SLC22A14: variants seen among roughly 807,000 people sequenced by gnomAD.
The protein encoded by SLC22A14 is solute carrier family 22 member 14.
A neutral mutation model predicts 53.9 loss-of-function variants in SLC22A14; 50 were observed. That is an observed-to-expected ratio of 0.93 (90% CI 0.74 to 1.17). The LOEUF (loss-of-function observed/expected upper bound fraction) is 1.17. Among genes scored for constraint, SLC22A14 ranks in the 50% most tolerant of loss-of-function variants. The pLI, the probability that SLC22A14 is intolerant of heterozygous loss-of-function variation, is 0.00. For missense variants in SLC22A14, 671 were observed against 734.7 expected, an observed-to-expected ratio of 0.91 and a Z score of 1.00; for synonymous variants, 312 against 303.0, an observed-to-expected ratio of 1.03 and a Z score of -0.31.
upstream of SLC22A14, among the ~76,000 whole-genome samples, chr3:38,279,695 A>G (rs1703625303): frequency 6.6e-6 from 1 of 151,498 alleles, no homozygotes; most frequent in Non-Finnish European, 1.5e-5. Flanking sequence ...ATGAATGGGT[A>G]AGTGTCCTTT....
In SLC22A14 at chr3:38,316,468, G is replaced by T; in HGVS notation, c.1677G>T (p.Leu559=). The T allele has an allele frequency of 6.2e-7, 1 of 1,613,994 alleles. No individual in the cohort carries two copies. The highest frequency in any genetic ancestry group is 8.5e-7 in the Non-Finnish European group (1 of 1,179,958). The change falls in exon 10 of 11, where the codon CTG becomes CTT. Residue 559 remains leucine (L), a synonymous_variant. Coordinates refer to ENST00000448498, the MANE Select transcript of SLC22A14 (RefSeq NM_001320033.2). ...AIVAFSLSSL[L]PETRDQPLSE... is the part of the protein sequence containing the mutation. ...TGGCCTTTTCCCTCTCCTCCCTGCT[G>T]CCGGAAACGCGAGATCAGCCCCTCT...
intron 1 of SLC22A14, among the ~76,000 whole-genome samples, chr3:38,288,998 A>G (rs1703849845): frequency 6.6e-6 from 1 of 151,950 alleles, no homozygotes. Context: ...TGGGCAACAA[A>G]GTGAGACCTG....
intron 6 of SLC22A14, 111 bp from the exon 7 acceptor site, chr3:38,313,277 C>A: frequency 7.1e-7 from 1 of 1,398,804 alleles, no homozygotes; most frequent in Non-Finnish European, 1.0e-6. Context: ...CCAGGGAAGG[C>A]CAGAAGCCAG....
chr3:38,318,300 C>G lies in SLC22A14; in HGVS notation c.*51C>G. The G allele has an allele frequency of 6.6e-7, 1 of 1,505,958 alleles. No individual in the cohort carries two copies. The allele number at this position is 1,505,958 out of a possible 1,614,324, so 93.3% of individuals were successfully genotyped here. A position where few individuals can be genotyped will look rare whatever the true frequency, so the allele number is the denominator to read the frequency against. ...AATGCCCAGATCCTGAGATTGGACCCATACCCTGTCTCCAACCCTGCCTTG... is the reference window on the plus strand; with the variant it reads ...AATGCCCAGATCCTGAGATTGGACCGATACCCTGTCTCCAACCCTGCCTTG... On this transcript the variant is annotated 3_prime_UTR_variant, in exon 11 of 11. Coordinates refer to ENST00000448498, the MANE Select transcript of SLC22A14 (RefSeq NM_001320033.2).
chr3:38,313,953 C>A lies in SLC22A14; in HGVS notation c.1378+12C>A. ...TTTCCTCCCTGAAGGTACAGCTCAT[C>A]CTTCCCCTGTGGCCTGCCCACAGCC... On this transcript the variant is annotated intron_variant, in intron 8 of 10. Transcript: ENST00000448498. 1 of 1,609,798 alleles carries A rather than the reference C, an allele frequency of 6.2e-7. No individual in the cohort carries two copies. The highest frequency in any genetic ancestry group is 8.5e-7 in the Non-Finnish European group (1 of 1,176,910).
In SLC22A14 at chr3:38,306,245, C is replaced by T. The variant is rs1704298471; in HGVS notation, c.219C>T (p.Thr73=). 6.2e-7 allele frequency: 1 copy of T among 1,614,174 alleles called. No individual in the cohort carries two copies. Among genetic ancestry groups the T allele is most frequent in the African/African-American group, 1.3e-5 (1 of 75,032 alleles). Residue 73 remains threonine, a synonymous_variant, in exon 2 of 11, where the codon ACC becomes ACT. Coordinates refer to ENST00000448498, the MANE Select transcript of SLC22A14 (RefSeq NM_001320033.2). ...GTFQQRLVAL[T]FIPSIMSAFF... is the part of the protein sequence containing the mutation. ...TCCAGCAGAGGCTAGTAGCCCTCAC[C>T]TTTATCCCCAGCATCATGTCGGCCT...
intron 1 of SLC22A14, among the ~76,000 whole-genome samples, chr3:38,288,868 A>G (rs1346679726): frequency 6.6e-6 from 1 of 152,126 alleles, no homozygotes; most frequent in East Asian, 1.9e-4. Flanking sequence ...TTAGTTTGAA[A>G]TGATTTTAGG....
intron 1 of SLC22A14, among the ~76,000 whole-genome samples, chr3:38,283,390 G>C (rs28526771): frequency 1.4e-4 from 22 of 152,230 alleles, no homozygotes; most frequent in African/African-American, 5.3e-4. Context: ...ATCTAAGCAT[G>C]CTCTCCCTCT....
Position 38,316,305 on chromosome 3 carries a change from C to T in SLC22A14, c.1533-19C>T, listed in dbSNP as rs1441211312. ...GAACCCGGCAGACCCCTCACAGGAG[C>T]TCTCACCTCCACTTTCAGGGCGACA... On this transcript the variant is annotated intron_variant, in intron 9 of 10. Transcript: ENST00000448498. 6.2e-7 allele frequency: 1 copy of T among 1,612,738 alleles called. No homozygotes were observed. Among genetic ancestry groups the T allele is most frequent in the Admixed American group, 1.7e-5 (1 of 60,006 alleles).
rs752765312 is a variant in SLC22A14, at chr3:38,313,726, G to C, written c.1164-1G>C. ...CGCACTTGCCTCCTGGCTTCATCCAGGTTTACCGTCAGTTACACCTATTTT... is the reference window on the plus strand; with the variant it reads ...CGCACTTGCCTCCTGGCTTCATCCACGTTTACCGTCAGTTACACCTATTTT... On this transcript the variant is annotated splice_acceptor_variant, in intron 7 of 10. Transcript: ENST00000448498. LOFTEE classifies it high-confidence loss of function. 1.2e-5 allele frequency: 20 copies of C among 1,607,170 alleles called. No individual in the cohort carries two copies. The highest frequency in any genetic ancestry group is 1.6e-5 in the Non-Finnish European group (19 of 1,176,308).
At position 38,307,322 on chromosome 3, in the gene SLC22A14, G is replaced by A. The variant is rs754369896; in HGVS notation, c.585G>A (p.Pro195=). The change falls in exon 3 of 11, where the codon CCG becomes CCA. Residue 195 remains proline (P), a synonymous_variant. Coordinates refer to ENST00000448498, the MANE Select transcript of SLC22A14 (RefSeq NM_001320033.2). This position sits in a 1 kb window ranked among gnomAD's most constrained non-coding sequence, Gnocchi z 4.4. ...TAQIMFMAGL[P]IGSLIFRLIT... is the part of the protein sequence containing the mutation. Reference sequence around the variant, plus strand: ...AGATCATGTTCATGGCAGGGCTCCCGATAGGCTCTCTCATCTTCAGGCTCA... The same window carrying A: ...AGATCATGTTCATGGCAGGGCTCCCAATAGGCTCTCTCATCTTCAGGCTCA... 1.7e-5 allele frequency: 28 copies of A among 1,613,948 alleles called. No individual in the cohort carries two copies. The highest frequency in any genetic ancestry group is 2.2e-5 in the East Asian group (1 of 44,898).
chr3:38,295,510 GT>G (rs1222217605), intron 1 of SLC22A14, among the ~76,000 whole-genome samples: 1 of 151,864 alleles, frequency 6.6e-6, no homozygotes. Flanking sequence ...TGGTCTCAGT[GT>G]TTTTTTCAGG....
Position 38,316,429 on chromosome 3 carries a change from C to T in SLC22A14, c.1638C>T (p.Cys546=), listed in dbSNP as rs116205264. The change falls in exon 10 of 11, where the codon TGC becomes TGT. Residue 546 remains cysteine (C), a synonymous_variant. Transcript: ENST00000448498. ...TPSLLPIFLC[C]VLAIVAFSLS... is the part of the protein sequence containing the mutation. ...CCCTCCTGCCCATCTTTCTCTGCTG[C>T]GTCTTAGCCATCGTGGCCTTTTCCC... is the stretch of plus-strand genomic sequence containing the variant. The T allele has an allele frequency of 4.1e-4, 661 of 1,614,166 alleles. 5 individuals are homozygous for T. In the African/African-American group the frequency reaches 7.8e-3, roughly 19 times the overall value.
intron 1 of SLC22A14, among the ~76,000 whole-genome samples, chr3:38,304,791 C>T (rs146940842): frequency 1.3e-5 from 2 of 152,096 alleles, no homozygotes; most frequent in Non-Finnish European, 2.9e-5. Context: ...TTTTATTTAT[C>T]GTGCCTAAGT....
intron 1 of SLC22A14, among the ~76,000 whole-genome samples, chr3:38,300,351 C>G (rs983576256): frequency 3.3e-5 from 5 of 152,062 alleles, no homozygotes; most frequent in African/African-American, 1.2e-4. Flanking sequence ...GAGGTAGGAG[C>G]ATCACTTGAA....
In SLC22A14 at chr3:38,306,092, G is replaced by T; in HGVS notation, c.66G>T (p.Gln22His). 1 of 1,614,100 alleles carries T rather than the reference G, an allele frequency of 6.2e-7. No individual in the cohort carries two copies. The highest frequency in any genetic ancestry group is 1.1e-5 in the South Asian group (1 of 91,082). The change falls in exon 2 of 11, where the codon CAG (glutamine) becomes CAT (histidine). Residue 22 changes from glutamine to histidine, a missense_variant. Physicochemically the swap from Gln to His is conservative, Grantham distance 24 (BLOSUM62 0). Transcript: ENST00000448498. ...AGGATGCTTCCAGGAACTTGAACCA[G>T]CATGAGGTAGCAGGACATCCACATT... The part of the protein sequence containing the change: ...RSQDASRNLN[Q>H]HEVAGHPHSW...
intron 5 of SLC22A14, among the ~76,000 whole-genome samples, chr3:38,311,272 T>A (rs1704461217): frequency 6.6e-6 from 1 of 152,202 alleles, no homozygotes; most frequent in Non-Finnish European, 1.5e-5. Context: ...TTGTGTCCCC[T>A]AGGCTTTGGC....
At chr3:38,309,378 C>A (rs1238009064) in intron 5 of SLC22A14, among the ~76,000 whole-genome samples, 1 of 151,930 alleles carries the variant, frequency 6.6e-6, no homozygotes, top group Non-Finnish European at 1.5e-5. Context: ...TGTTGAAGGC[C>A]AAGGGGTTAA....
At chr3:38,298,423 C>CATCTATCT (rs60379934) in intron 1 of SLC22A14, among the ~76,000 whole-genome samples, 1,785 of 146,472 alleles carry the variant, frequency 0.012, 15 homozygotes, top group Non-Finnish European at 0.014. Context: ...CTTGCACACA[C>CATCTATCT]ATCTATCTAT....
Sources: gnomAD v4.1 joint callset for allele counts (sites outside exome capture counted in the v4.1 genomes callset) on GRCh38, gnomAD v4.1.1 for gene constraint, Gnocchi (gnomAD v3.1) non-coding constraint, MANE v1.5 for transcripts, NCBI Gene and HGNC (gene_info 2026-07-23, HGNC 2026-07-21) for gene names.